Variants in ALG6 observed in about 807,000 individuals in gnomAD.
ALG6 encodes ALG6 alpha-1,3-glucosyltransferase.
ALG6 carries 46 observed loss-of-function variants against 66.6 expected under a neutral mutation model. That is an observed-to-expected ratio of 0.69 (90% CI 0.55 to 0.88). The LOEUF (loss-of-function observed/expected upper bound fraction) is 0.88, where lower values mean the gene tolerates loss of function less well. Among genes scored for constraint, ALG6 ranks in the 40% least tolerant of loss-of-function variants. The pLI, the probability that ALG6 is intolerant of heterozygous loss-of-function variation, is 0.00. For synonymous variants in ALG6, 185 were observed against 203.7 expected (o/e 0.91, Z 0.78); for missense variants, 505 against 586.8 (o/e 0.86, Z 1.44).
At chr1:63,375,803 C>T (rs1648104623) in intron 2 of ALG6, among the ~76,000 whole-genome samples, 1 of 152,054 alleles carries the variant, frequency 6.6e-6, no homozygotes, top group Non-Finnish European at 1.5e-5. Flanking sequence ...ACCATTTAGG[C>T]TCTCTCTTTT....
Position 63,416,319 on chromosome 1 carries a change from C to T in ALG6, c.987+362C>T, listed in dbSNP as rs141161940. On this transcript the variant is annotated intron_variant, in intron 11 of 14. Transcript: ENST00000263440. The stretch of plus-strand genomic sequence containing the variant: ...GGTGTGGGAAAGGGAGATATTATCT[C>T]GGGGGGAGATTTTAGAATGCTGTTT... 3.3e-3 allele frequency among the ~76,000 whole-genome samples: 503 copies of T among 151,658 alleles called. 3 individuals are homozygous for T. Among genetic ancestry groups the T allele is most frequent in the African/African-American group, 9.8e-3 (404 of 41,330 alleles).
intron 2 of ALG6, among the ~76,000 whole-genome samples, chr1:63,381,884 A>C (rs1648320667): frequency 6.6e-6 from 1 of 152,150 alleles, no homozygotes; most frequent in African/African-American, 2.4e-5. Context: ...GTTTTTAAGA[A>C]GTGAGTTTTC....
rs1333460037 is a variant in ALG6 at position 63,433,833 on chromosome 1, T to C, written c.1327-2990T>C. Among the ~76,000 whole-genome samples, 2 of 152,158 alleles carry C rather than the reference T, an allele frequency of 1.3e-5. No homozygotes were observed. The highest frequency in any genetic ancestry group is 2.1e-4 in the South Asian group (1 of 4,820). On this transcript the variant is annotated intron_variant, in intron 14 of 14. Coordinates refer to ENST00000263440, the MANE Select transcript of ALG6 (RefSeq NM_013339.4). The surrounding 1 kb of genome is among the most constrained non-coding windows in gnomAD (Gnocchi z 4.2). ...ATCCAGCACCAGCATATGTAAAATA[T>C]ATGGCATGTCAGAGGGTGATAAGTG...
At chr1:63,398,458 A>T (rs1430022004) in intron 3 of ALG6, among the ~76,000 whole-genome samples, 2 of 152,074 alleles carry the variant, frequency 1.3e-5, no homozygotes, top group African/African-American at 4.8e-5. Flanking sequence ...GCATCTTCTA[A>T]TGTATTTATT....
chr1:63,422,462 A>AAT (rs1269357907), intron 12 of ALG6, among the ~76,000 whole-genome samples: 8 of 123,720 alleles, frequency 6.5e-5, no homozygotes, highest in Non-Finnish European at 9.7e-5. Flanking sequence ...TATAAATATA[A>AAT]ATATATATAT....
intron 2 of ALG6, among the ~76,000 whole-genome samples, chr1:63,391,070 C>T (rs1570047346): frequency 1.3e-5 from 2 of 152,108 alleles, no homozygotes; most frequent in African/African-American, 4.8e-5. Context: ...ATTTGGCCAT[C>T]CTGCTCTGCC....
Position 63,370,880 on chromosome 1 carries a change from A to G in ALG6, c.-98A>G. ...AATCGATAACATTTCAAGAAGTGAT[A>G]ACATTTCTCTGAACAAGAAAAGAAG... On this transcript the variant is annotated 5_prime_UTR_variant, in exon 2 of 15. In the 5' UTR this introduces an upstream ATG that the reference lacks. Transcript: ENST00000263440. 3.7e-6 allele frequency: 3 copies of G among 809,588 alleles called. No individual in the cohort carries two copies. The highest frequency in any genetic ancestry group is 6.7e-6 in the Non-Finnish European group (3 of 449,624). 50.2% of individuals were successfully genotyped at this position (809,588 alleles called of 1,614,324 possible). A position where few individuals can be genotyped will look rare whatever the true frequency, so the allele number is the denominator to read the frequency against.
intron 2 of ALG6, among the ~76,000 whole-genome samples, chr1:63,384,191 G>C (rs775155673): frequency 6.6e-6 from 1 of 152,174 alleles, no homozygotes; most frequent in Non-Finnish European, 1.5e-5. Flanking sequence ...CATTTTACCT[G>C]GGTGAGATGA....
At chr1:63,416,736 TTA>T (rs1644547728) in intron 11 of ALG6, among the ~76,000 whole-genome samples, 1 of 152,174 alleles carries the variant, frequency 6.6e-6, no homozygotes, top group Admixed American at 6.5e-5. Flanking sequence ...TTTCTACAGT[TTA>T]GGGTTTTTCT....
chr1:63,422,449 A>ATATAAATATATATC (rs1644592326), intron 12 of ALG6, among the ~76,000 whole-genome samples: 2 of 124,260 alleles, frequency 1.6e-5, no homozygotes, highest in African/African-American at 6.7e-5. Flanking sequence ...ATATAAATAT[A>ATATAAATATATATC]TATATAAATA....
chr1:63,417,036 T>A (rs1484372656), intron 11 of ALG6, among the ~76,000 whole-genome samples: 2 of 152,188 alleles, frequency 1.3e-5, no homozygotes, highest in African/African-American at 4.8e-5. Flanking sequence ...GCAAAAAGGA[T>A]AGCTTTATGT....
In ALG6 at chr1:63,428,802, G is replaced by A. The variant is rs1557597486; in HGVS notation, c.1127+1G>A. 1.2e-6 allele frequency: 2 copies of A among 1,604,920 alleles called. No homozygotes were observed. The highest frequency in any genetic ancestry group is 1.3e-5 in the African/African-American group (1 of 74,758). On this transcript the variant is annotated splice_donor_variant, in intron 13 of 14. Transcript: ENST00000263440. LOFTEE classifies it high-confidence loss of function. Reference sequence around the variant, plus strand: ...GGTTTTTACTTGTGTCAACATTTAGGTAAGTCATATCAATTTCCATATATT... The same window carrying A: ...GGTTTTTACTTGTGTCAACATTTAGATAAGTCATATCAATTTCCATATATT...
intron 1 of ALG6, among the ~76,000 whole-genome samples, chr1:63,370,377 A>G (rs1483419339): frequency 1.3e-5 from 2 of 152,180 alleles, no homozygotes; most frequent in African/African-American, 4.8e-5. Flanking sequence ...CAAAGACAAG[A>G]TTCCTCTTTC....
chr1:63,382,687 T>G (rs905568033), intron 2 of ALG6, among the ~76,000 whole-genome samples: 3 of 96,704 alleles, frequency 3.1e-5, no homozygotes, highest in Admixed American at 2.4e-4. Context: ...TTGTTTTTTT[T>G]TTTTTTGAGA....
intron 14 of ALG6, among the ~76,000 whole-genome samples, chr1:63,434,132 A>C (rs1009531601): frequency 6.6e-6 from 1 of 152,190 alleles, no homozygotes; most frequent in Non-Finnish European, 1.5e-5. Flanking sequence ...TCTGACTTAC[A>C]TTTTTAAAAG....
At chr1:63,418,205 G>T (rs926503924) in intron 11 of ALG6, among the ~76,000 whole-genome samples, 1 of 150,698 alleles carries the variant, frequency 6.6e-6, no homozygotes, top group Non-Finnish European at 1.5e-5. Context: ...CTTAGATTGA[G>T]TAAAGGAAAC....
chr1:63,402,354 C>G lies in ALG6; in HGVS notation c.257+11C>G, dbSNP rs774093513. 3.2e-6 allele frequency: 5 copies of G among 1,583,750 alleles called. No individual in the cohort carries two copies. In the African/African-American group the frequency reaches 5.4e-5, roughly 17 times the overall value. On this transcript the variant is annotated intron_variant, in intron 4 of 14. Coordinates refer to ENST00000263440, the MANE Select transcript of ALG6 (RefSeq NM_013339.4). ...CCTATGTGCATATGTGTAAGTTTTT[C>G]TTTCTTAATGTAACTCTAAATTTTT... is the stretch of plus-strand genomic sequence containing the variant.
Position 63,400,194 on chromosome 1 carries a change from CAAAA to C in ALG6, c.168-2050_168-2047del, listed in dbSNP as rs71577211. 1.0e-4 allele frequency among the ~76,000 whole-genome samples: 2 copies of C among 19,518 alleles called. 1 individual carries two copies. The highest frequency in any genetic ancestry group is 7.5e-4 in the African/African-American group (2 of 2,684). The allele number at this position is 19,518 out of a possible 152,430, so 12.8% of individuals were successfully genotyped here. On this transcript the variant is annotated intron_variant, in intron 3 of 14. Coordinates refer to ENST00000263440, the MANE Select transcript of ALG6 (RefSeq NM_013339.4). The stretch of plus-strand genomic sequence containing the variant: ...GGGCAACAAGAGCAAAACTCTGTCT[CAAAA>C]AAAAAAAAATATATATATATATACG...
chr1:63,394,629 A>G (rs1648765634), intron 2 of ALG6, among the ~76,000 whole-genome samples: 1 of 152,058 alleles, frequency 6.6e-6, no homozygotes, highest in Non-Finnish European at 1.5e-5. Context: ...CGGCCTCCCA[A>G]AGTGCTGGGA....
Sources: allele counts gnomAD v4.1 joint callset (sites outside exome capture counted in the v4.1 genomes callset), GRCh38; gene constraint gnomAD v4.1.1; non-coding constraint Gnocchi (gnomAD v3.1); transcripts MANE v1.5; gene names NCBI Gene and HGNC (gene_info 2026-07-23, HGNC 2026-07-21).